LURAP1L: variants seen among roughly 807,000 people sequenced by gnomAD.
LURAP1L encodes the protein leucine rich adaptor protein 1 like, also known as leucine rich adaptor protein 1-like.
In LURAP1L, 12 loss-of-function variants were observed where a neutral mutation model predicts 13.8. The observed-to-expected ratio is 0.87, with a 90% CI of 0.56 to 1.41. LURAP1L has a LOEUF of 1.41. Ranked by LOEUF, LURAP1L falls within the 40% of genes most tolerant of loss-of-function variation. The pLI is 0.00. For synonymous variants in LURAP1L, 139 were observed against 119.2 expected (o/e 1.17, Z -1.08); for missense variants, 375 against 292.9 (o/e 1.28, Z -2.04).
At position 12,775,708 on chromosome 9, in the gene LURAP1L, GAA is replaced by G; in HGVS notation, c.-5_-4del. 6.4e-7 allele frequency: 1 copy of G among 1,558,172 alleles called. No homozygotes were observed. The stretch of plus-strand genomic sequence containing the variant: ...TTTTATTACTATTATCGCCGTTCCG[GAA>G]AAGTCATGGAAGACAGCCCGCTGCC... On this transcript the variant is annotated 5_prime_UTR_variant, in exon 1 of 2. Coordinates refer to ENST00000319264, the MANE Select transcript of LURAP1L (RefSeq NM_203403.2).
intron 1 of LURAP1L, among the ~76,000 whole-genome samples, chr9:12,801,392 A>G (rs1299455046): frequency 6.6e-6 from 1 of 152,016 alleles, no homozygotes; most frequent in African/African-American, 2.4e-5. Flanking sequence ...AGTACATCTT[A>G]GGAATCCATA....
chr9:12,800,645 T>G (rs2118511867), intron 1 of LURAP1L, among the ~76,000 whole-genome samples: 1 of 152,332 alleles, frequency 6.6e-6, no homozygotes, highest in Non-Finnish European at 1.5e-5. Context: ...TTTGAAAATC[T>G]AGTAATTTCC....
At chr9:12,790,681 A>G (rs542998726) in intron 1 of LURAP1L, 1 of 151,712 alleles carries the variant, frequency 6.6e-6, no homozygotes, top group South Asian at 2.1e-4. Context: ...TTCCTCAGAT[A>G]TTGTCACTCT....
chr9:12,796,624 A>C (rs1311724049), intron 1 of LURAP1L, among the ~76,000 whole-genome samples: 1 of 152,044 alleles, frequency 6.6e-6, no homozygotes, highest in Non-Finnish European at 1.5e-5. Flanking sequence ...AATATACCTC[A>C]TTCCTTTTAC....
At chr9:12,810,062 G>A (rs2118533808) in intron 1 of LURAP1L, among the ~76,000 whole-genome samples, 1 of 152,318 alleles carries the variant, frequency 6.6e-6, no homozygotes, top group Non-Finnish European at 1.5e-5. Flanking sequence ...ACTCCAGCCT[G>A]TTAGGTTCTG....
chr9:12,799,654 A>T (rs1284885206), intron 1 of LURAP1L, among the ~76,000 whole-genome samples: 1 of 152,064 alleles, frequency 6.6e-6, no homozygotes, highest in East Asian at 1.9e-4. Context: ...GCCGAGGTGG[A>T]TGGATCACGA....
chr9:12,777,086 T>C, intron 1 of LURAP1L: 2 of 322,874 alleles, frequency 6.2e-6, no homozygotes, highest in Non-Finnish European at 8.9e-6. Flanking sequence ...TTGATTTGCT[T>C]CAAAGTAGGC....
chr9:12,792,249 T>G (rs1819450419), intron 1 of LURAP1L, among the ~76,000 whole-genome samples: 1 of 152,116 alleles, frequency 6.6e-6, no homozygotes, highest in African/African-American at 2.4e-5. Flanking sequence ...TTGCAATAGC[T>G]GTATGGAAGC....
At chr9:12,807,547 G>A (rs1819676738) in intron 1 of LURAP1L, among the ~76,000 whole-genome samples, 1 of 152,104 alleles carries the variant, frequency 6.6e-6, no homozygotes, top group Non-Finnish European at 1.5e-5. Flanking sequence ...CACCTGCATA[G>A]TGAAATTAAT....
Position 12,821,479 on chromosome 9 carries a change from G to T in LURAP1L, c.406G>T (p.Ala136Ser), listed in dbSNP as rs1012922333. Residue 136 changes from alanine (A) to serine (S), a missense_variant, in exon 2 of 2, where the codon GCC (alanine) becomes TCC (serine). Coordinates refer to ENST00000319264, the MANE Select transcript of LURAP1L (RefSeq NM_203403.2). ...ESIKWMIEEKATITSRGSSLS... is the reference protein window; with the variant it reads ...ESIKWMIEEKSTITSRGSSLS... ...CATCAAGTGGATGATCGAAGAAAAA[G>T]CCACCATTACCAGCAGAGGCAGCAG... 7 of 1,614,026 alleles carry T rather than the reference G, an allele frequency of 4.3e-6. No individual in the cohort carries two copies. Among genetic ancestry groups the T allele is most frequent in the African/African-American group, 2.7e-5 (2 of 74,906 alleles).
At chr9:12,783,348 A>T (rs1322299747) in intron 1 of LURAP1L, among the ~76,000 whole-genome samples, 1 of 152,080 alleles carries the variant, frequency 6.6e-6, no homozygotes, top group African/African-American at 2.4e-5. Context: ...AGGTCTGTTT[A>T]TATGGCTTTT....
chr9:12,783,166 A>C (rs960745307), intron 1 of LURAP1L, among the ~76,000 whole-genome samples: 8 of 151,792 alleles, frequency 5.3e-5, no homozygotes, highest in African/African-American at 1.7e-4. Context: ...GAATAATTTG[A>C]CTTTTTTTCT....
chr9:12,810,797 A>G (rs957353435), intron 1 of LURAP1L, among the ~76,000 whole-genome samples: 7 of 152,186 alleles, frequency 4.6e-5, no homozygotes, highest in African/African-American at 1.7e-4. Context: ...ATCACCACTT[A>G]CAGCTAGTGA....
intron 1 of LURAP1L, among the ~76,000 whole-genome samples, chr9:12,795,058 T>C (rs1476368861): frequency 3.3e-5 from 5 of 152,000 alleles, no homozygotes; most frequent in Non-Finnish European, 7.4e-5. Context: ...AATTATATCA[T>C]AGTCATTTAA....
chr9:12,819,313 CATAGAT>C (rs371849841), intron 1 of LURAP1L, among the ~76,000 whole-genome samples: 1 of 152,090 alleles, frequency 6.6e-6, no homozygotes, highest in Non-Finnish European at 1.5e-5. Context: ...TTTTTGTATT[CATAGAT>C]ATATTTTTAT....
chr9:12,794,910 C>T (rs1819492498), intron 1 of LURAP1L, among the ~76,000 whole-genome samples: 1 of 151,828 alleles, frequency 6.6e-6, no homozygotes, highest in Non-Finnish European at 1.5e-5. Flanking sequence ...ATATGTATTT[C>T]ACGTTACTTA....
chr9:12,809,299 T>C (rs1429612333), intron 1 of LURAP1L, among the ~76,000 whole-genome samples: 1 of 152,204 alleles, frequency 6.6e-6, no homozygotes, highest in Non-Finnish European at 1.5e-5. Flanking sequence ...AGTTCTTAGA[T>C]ACTCTGTTCT....
chr9:12,812,910 C>T (rs182111876), intron 1 of LURAP1L, among the ~76,000 whole-genome samples: 12 of 152,214 alleles, frequency 7.9e-5, no homozygotes, highest in East Asian at 1.9e-4. Context: ...CTCAACAATG[C>T]TGAGTCATTT....
At chr9:12,808,568 C>G (rs1223756987) in intron 1 of LURAP1L, among the ~76,000 whole-genome samples, 1 of 151,956 alleles carries the variant, frequency 6.6e-6, no homozygotes, top group East Asian at 1.9e-4. Flanking sequence ...ACTCTTCTTG[C>G]TTATATGGTT....
Sources: allele counts gnomAD v4.1 joint callset (sites outside exome capture counted in the v4.1 genomes callset), GRCh38; gene constraint gnomAD v4.1.1; transcripts MANE v1.5; gene names NCBI Gene and HGNC (gene_info 2026-07-23, HGNC 2026-07-21).